Variants in NTRK3 observed in about 807,000 individuals in gnomAD.
NTRK3 encodes the protein neurotrophic receptor tyrosine kinase 3.
In NTRK3, 24 loss-of-function variants were observed where a neutral mutation model predicts 91.7. The ratio of observed to expected loss-of-function variants is 0.26; its 90% CI spans 0.19 to 0.37. The LOEUF is 0.37. Among genes scored for constraint, NTRK3 ranks in the 10% least tolerant of loss-of-function variants. The probability of loss-of-function intolerance (pLI) is 1.00; values close to 1 mark genes in which losing one functional copy is unlikely to be tolerated. For missense variants in NTRK3, 880 were observed against 1,068.9 expected, an observed-to-expected ratio of 0.82 and a Z score of 2.46; for synonymous variants, 483 against 404.0, an observed-to-expected ratio of 1.20 and a Z score of -2.34.
chr15:88,059,959 C>G (rs534792369), intron 13 of NTRK3, among the ~76,000 whole-genome samples: 1 of 152,124 alleles, frequency 6.6e-6, no homozygotes, highest in East Asian at 1.9e-4. Flanking sequence ...GAGAGGCATT[C>G]GAAGAAACCA....
At chr15:88,145,226 A>G (rs1196372155) in intron 6 of NTRK3, among the ~76,000 whole-genome samples, 1 of 152,208 alleles carries the variant, frequency 6.6e-6, no homozygotes, top group Non-Finnish European at 1.5e-5. Flanking sequence ...GATTTTAATC[A>G]TAACCACAGC....
intron 17 of NTRK3, among the ~76,000 whole-genome samples, chr15:87,908,802 C>T (rs1272737758): frequency 1.3e-5 from 2 of 152,100 alleles, no homozygotes; most frequent in African/African-American, 4.8e-5. Context: ...CGCCCAGAAA[C>T]ACAAGGCACT....
At chr15:88,065,155 G>A (rs921049860) in intron 13 of NTRK3, among the ~76,000 whole-genome samples, 1 of 152,026 alleles carries the variant, frequency 6.6e-6, no homozygotes, top group African/African-American at 2.4e-5. Flanking sequence ...ATAGAAAGAG[G>A]GTAGAGGTCA....
At chr15:88,060,904 G>A (rs958753962) in intron 13 of NTRK3, among the ~76,000 whole-genome samples, 1 of 151,756 alleles carries the variant, frequency 6.6e-6, no homozygotes, top group Non-Finnish European at 1.5e-5. Context: ...TTCAAAGTGG[G>A]TTATTTTTGC....
intron 13 of NTRK3, among the ~76,000 whole-genome samples, chr15:88,049,488 TCA>T (rs1302578205): frequency 6.6e-6 from 1 of 152,224 alleles, no homozygotes; most frequent in Admixed American, 6.5e-5. Context: ...TTTATGGGGT[TCA>T]CTAACAGCTA....
intron 14 of NTRK3, among the ~76,000 whole-genome samples, chr15:88,001,373 T>C (rs200258994): frequency 1.3e-5 from 2 of 152,190 alleles, no homozygotes; most frequent in East Asian, 3.8e-4. Context: ...TTTCTTTTGT[T>C]ACTTGTGTTT....
intron 5 of NTRK3, among the ~76,000 whole-genome samples, chr15:88,160,338 G>A (rs970423283): frequency 7.9e-5 from 12 of 152,198 alleles, no homozygotes; most frequent in African/African-American, 2.7e-4. Flanking sequence ...GTTGCCTGAG[G>A]ATGGGGAGCC....
rs1350251746 is a variant in NTRK3 at position 88,243,643 on chromosome 15, C to A, written c.248+12263G>T. On this transcript the variant is annotated intron_variant, in intron 3 of 18. Coordinates refer to ENST00000394480, the Ensembl canonical transcript of NTRK3. The surrounding 1 kb of genome is among the most constrained non-coding windows in gnomAD (Gnocchi z 4.8). ...AGCTAAAAGAGGCTTTTTTGTCAAC[C>A]AGACCAACCCCTACATTTCCCAGGT... Among the ~76,000 whole-genome samples, 1 of 152,052 alleles carries A rather than the reference C, an allele frequency of 6.6e-6. No individual in the cohort carries two copies. The highest frequency in any genetic ancestry group is 1.5e-5 in the Non-Finnish European group (1 of 68,010).
intron 10 of NTRK3, among the ~76,000 whole-genome samples, chr15:88,133,991 C>G (rs1174130853): frequency 6.6e-6 from 1 of 152,226 alleles, no homozygotes; most frequent in Non-Finnish European, 1.5e-5. Flanking sequence ...AGCTGCCACA[C>G]CCTGGTAATT....
chr15:88,252,982 G>C (rs1032433960), intron 3 of NTRK3: 2 of 152,268 alleles, frequency 1.3e-5, no homozygotes, highest in Non-Finnish European at 2.9e-5. Context: ...CCATCCCTGA[G>C]AAGCAGAACC....
At chr15:87,871,511 C>A (rs1344310359) in exon 19 of NTRK3, 2 of 230,578 alleles carry the variant, frequency 8.7e-6, no homozygotes, top group Non-Finnish European at 1.7e-5. Flanking sequence ...TACCAACCCC[C>A]AAATAAGATG....
intron 13 of NTRK3, among the ~76,000 whole-genome samples, chr15:88,123,845 G>A (rs1263711013): frequency 6.6e-6 from 1 of 152,210 alleles, no homozygotes; most frequent in Non-Finnish European, 1.5e-5. Context: ...TGATGCAGAT[G>A]AAGCCTCCAG....
chr15:87,929,212 G>T (rs1164963177), exon 17 of NTRK3: 1 of 1,614,164 alleles, frequency 6.2e-7, no homozygotes, highest in South Asian at 1.1e-5. Flanking sequence ...CCGTGCTGTA[G>T]ACATCTCTGG....
intron 13 of NTRK3, among the ~76,000 whole-genome samples, chr15:88,105,862 C>T (rs1030157822): frequency 4.6e-5 from 7 of 152,172 alleles, no homozygotes; most frequent in African/African-American, 1.4e-4. Context: ...TACCTTCTCA[C>T]GTGAGCACCA....
chr15:88,104,780 T>G (rs2050529033), intron 13 of NTRK3, among the ~76,000 whole-genome samples: 1 of 152,164 alleles, frequency 6.6e-6, no homozygotes, highest in Non-Finnish European at 1.5e-5. Context: ...AACATCTCAT[T>G]GGCATCAGCA....
intron 13 of NTRK3, among the ~76,000 whole-genome samples, chr15:88,033,568 C>T (rs1369086065): frequency 6.6e-6 from 1 of 152,038 alleles, no homozygotes; most frequent in African/African-American, 2.4e-5. Flanking sequence ...ACCTCAGCCT[C>T]CCAAAGTGCT....
chr15:88,118,502 T>G (rs905661332), intron 13 of NTRK3, among the ~76,000 whole-genome samples: 4 of 152,226 alleles, frequency 2.6e-5, no homozygotes, highest in African/African-American at 4.8e-5. Context: ...TTTTCCATCC[T>G]GTACCATGAT....
intron 14 of NTRK3, among the ~76,000 whole-genome samples, chr15:87,993,845 G>A (rs2075471879): frequency 6.6e-6 from 1 of 152,170 alleles, no homozygotes; most frequent in Admixed American, 6.5e-5. Flanking sequence ...TGAGTAAGAA[G>A]AGTAAAAAAC....
intron 5 of NTRK3, among the ~76,000 whole-genome samples, chr15:88,160,085 T>G (rs979254559): frequency 1.3e-5 from 2 of 150,480 alleles, no homozygotes; most frequent in African/African-American, 4.9e-5. Context: ...CCGGGATGAG[T>G]GGAGATGGTC....
Sources: gnomAD v4.1 joint callset for allele counts (sites outside exome capture counted in the v4.1 genomes callset) on GRCh38, gnomAD v4.1.1 for gene constraint, Gnocchi (gnomAD v3.1) non-coding constraint, MANE v1.5 for transcripts, NCBI Gene and HGNC (gene_info 2026-07-23, HGNC 2026-07-21) for gene names.